Variants in LRMDA observed in about 807,000 individuals in gnomAD.
LRMDA encodes the protein leucine rich melanocyte differentiation associated.
LRMDA carries 18 observed loss-of-function variants against 29.8 expected under a neutral mutation model. The ratio of observed to expected loss-of-function variants is 0.60; its 90% CI spans 0.42 to 0.90. The LOEUF (loss-of-function observed/expected upper bound fraction) is 0.90. Ranked by LOEUF, LRMDA falls within the 40% of genes least tolerant of loss-of-function variation. The pLI is 0.00. For synonymous variants in LRMDA, 125 were observed against 109.4 expected (o/e 1.14, Z -0.89); for missense variants, 273 against 273.9 (o/e 1.00, Z 0.02).
At chr10:76,014,884 G>A (rs1469856117) in intron 2 of LRMDA, among the ~76,000 whole-genome samples, 2 of 152,200 alleles carry the variant, frequency 1.3e-5, no homozygotes, top group Non-Finnish European at 2.9e-5. Context: ...TAGAAGGCTA[G>A]CCTCCTGGCT....
At chr10:75,766,161 A>C (rs977525309) in intron 2 of LRMDA, among the ~76,000 whole-genome samples, 3 of 152,196 alleles carry the variant, frequency 2.0e-5, no homozygotes. Flanking sequence ...CTTTCTTAGA[A>C]ATATCACCAA....
At chr10:76,268,461 C>T (rs1192283865) in intron 5 of LRMDA, among the ~76,000 whole-genome samples, 1 of 152,128 alleles carries the variant, frequency 6.6e-6, no homozygotes, top group African/African-American at 2.4e-5. Context: ...GTATTTACAC[C>T]TCTCTCTTTT....
rs114022315 is a variant in LRMDA at position 75,861,548 on chromosome 10, A to T, written c.132-174460A>T. Among the ~76,000 whole-genome samples, 153 of 152,194 alleles carry T rather than the reference A, an allele frequency of 1.0e-3. 1 individual carries two copies. The highest frequency in any genetic ancestry group is 3.5e-3 in the African/African-American group (147 of 41,532). On this transcript the variant is annotated intron_variant, in intron 2 of 6. Transcript: ENST00000611255. ...AGTTTTATTTTTTATTTGTTTATAA[A>T]TTGTGAAATGCTTCTCTTTTTCTCT...
intron 2 of LRMDA, among the ~76,000 whole-genome samples, chr10:75,934,709 G>A: frequency 6.6e-6 from 1 of 152,152 alleles, no homozygotes; most frequent in South Asian, 2.1e-4. Flanking sequence ...CCTGCAAATG[G>A]TGTTGATGTC....
At chr10:75,987,823 A>G (rs187298555) in intron 2 of LRMDA, among the ~76,000 whole-genome samples, 16 of 152,248 alleles carry the variant, frequency 1.1e-4, no homozygotes, top group Admixed American at 9.8e-4. Context: ...GCCCCATGAC[A>G]AATGCCAAGT....
intron 5 of LRMDA, among the ~76,000 whole-genome samples, chr10:76,309,655 A>T (rs1840605447): frequency 6.6e-6 from 1 of 152,144 alleles, no homozygotes; most frequent in Admixed American, 6.5e-5. Context: ...TTATTTTTAC[A>T]GTCCAGCAGA....
intron 6 of LRMDA, among the ~76,000 whole-genome samples, chr10:76,337,632 A>G (rs542697706): frequency 4.1e-4 from 63 of 152,296 alleles, no homozygotes; most frequent in African/African-American, 1.3e-3. Context: ...GAACAATACC[A>G]GGGGCTAGAA....
chr10:76,159,112 C>T (rs1390878408), intron 5 of LRMDA, among the ~76,000 whole-genome samples: 1 of 152,032 alleles, frequency 6.6e-6, no homozygotes, highest in Non-Finnish European at 1.5e-5. Flanking sequence ...AAAACTGATT[C>T]GTGTTCTTTA....
At position 76,365,085 on chromosome 10, in the gene LRMDA, C is replaced by CAT. The variant is rs554375602; in HGVS notation, c.601+40622_601+40623dup. 5.5e-3 allele frequency among the ~76,000 whole-genome samples: 383 copies of CAT among 69,738 alleles called. 27 individuals carry two copies. The highest frequency in any genetic ancestry group is 0.039 in the East Asian group (157 of 4,020). 45.8% of individuals were successfully genotyped at this position (69,738 alleles called of 152,430 possible). A position where few individuals can be genotyped will look rare whatever the true frequency, so the allele number is the denominator to read the frequency against. On this transcript the variant is annotated intron_variant, in intron 6 of 6. Transcript: ENST00000611255. ...TCGTATATATATACACACACACACA[C>CAT]ATATATATATATATATATATATACA...
At chr10:75,767,186 A>G (rs1035315434) in intron 2 of LRMDA, among the ~76,000 whole-genome samples, 1 of 152,052 alleles carries the variant, frequency 6.6e-6, no homozygotes. Context: ...GTCAAATTGT[A>G]TTTCTGGTTC....
intron 2 of LRMDA, among the ~76,000 whole-genome samples, chr10:75,862,263 A>G (rs139074854): frequency 6.6e-6 from 1 of 151,910 alleles, no homozygotes; most frequent in African/African-American, 2.4e-5. Context: ...CATATCTGAG[A>G]AGTTGGTGTT....
chr10:76,444,701 A>T (rs1325388888), intron 6 of LRMDA, among the ~76,000 whole-genome samples: 1 of 152,142 alleles, frequency 6.6e-6, no homozygotes, highest in Non-Finnish European at 1.5e-5. Context: ...TGTTAGAGAC[A>T]CTGGAACCCA....
chr10:76,533,279 A>G (rs1167271944), intron 6 of LRMDA, among the ~76,000 whole-genome samples: 1 of 152,218 alleles, frequency 6.6e-6, no homozygotes, highest in Non-Finnish European at 1.5e-5. Flanking sequence ...TACCTTGAGT[A>G]TATTGACCAT....
At chr10:76,544,061 G>A (rs1402991448) in intron 6 of LRMDA, among the ~76,000 whole-genome samples, 2 of 152,144 alleles carry the variant, frequency 1.3e-5, no homozygotes, top group Non-Finnish European at 2.9e-5. Context: ...TGGTGCTCAG[G>A]GAGTCTAATA....
intron 2 of LRMDA, among the ~76,000 whole-genome samples, chr10:75,460,261 A>C (rs1844569591): frequency 6.6e-6 from 1 of 152,242 alleles, no homozygotes; most frequent in South Asian, 2.1e-4. Context: ...TTAATATACC[A>C]GTATCTTCTA....
intron 2 of LRMDA, among the ~76,000 whole-genome samples, chr10:75,509,364 TATG>T (rs1200772028): frequency 1.3e-5 from 2 of 152,242 alleles, no homozygotes; most frequent in Non-Finnish European, 2.9e-5. Context: ...AAACTCATAT[TATG>T]CTCAAAATTT....
At chr10:75,819,676 A>G (rs76598214) in intron 2 of LRMDA, among the ~76,000 whole-genome samples, 42 of 152,192 alleles carry the variant, frequency 2.8e-4, no homozygotes, top group African/African-American at 9.6e-4. Flanking sequence ...GATGTCCTAG[A>G]TATGTTGGAA....
At chr10:76,424,456 G>A (rs11594037) in intron 6 of LRMDA, among the ~76,000 whole-genome samples, 44,724 of 151,932 alleles carry the variant, frequency 0.29, 8,309 homozygotes, top group Middle Eastern at 0.45. Flanking sequence ...GGAGAATTGC[G>A]TGAACCTGGG....
At chr10:75,460,129 A>T (rs749679256) in intron 2 of LRMDA, among the ~76,000 whole-genome samples, 10 of 152,204 alleles carry the variant, frequency 6.6e-5, no homozygotes, top group Non-Finnish European at 1.5e-4. Context: ...CACTCAGTTA[A>T]GTATTTGCAA....
Sources: allele counts gnomAD v4.1 joint callset (sites outside exome capture counted in the v4.1 genomes callset), GRCh38; gene constraint gnomAD v4.1.1; transcripts MANE v1.5; gene names NCBI Gene and HGNC (gene_info 2026-07-23, HGNC 2026-07-21).